The following KHDRBS2 variants were observed in gnomAD, a reference collection of about 807,000 sequenced individuals.
KHDRBS2 encodes the protein KH domain-containing, RNA-binding, signal transduction-associated protein 2.
In KHDRBS2, 26 loss-of-function variants were observed where a neutral mutation model predicts 44.3. The ratio of observed to expected loss-of-function variants is 0.59; its 90% CI spans 0.43 to 0.81. The LOEUF (loss-of-function observed/expected upper bound fraction) is 0.81. KHDRBS2 is among the 40% of genes least tolerant of loss of function. The probability of loss-of-function intolerance (pLI) is 0.00; values close to 1 mark genes in which losing one functional copy is unlikely to be tolerated. For missense variants in KHDRBS2, 476 were observed against 433.1 expected, an observed-to-expected ratio of 1.10 and a Z score of -0.88; for synonymous variants, 194 against 151.1, an observed-to-expected ratio of 1.28 and a Z score of -2.08.
intron 6 of KHDRBS2, among the ~76,000 whole-genome samples, chr6:61,774,006 T>C (rs1260138207): frequency 2.6e-5 from 4 of 152,222 alleles, no homozygotes; most frequent in Admixed American, 2.6e-4. Context: ...GATCTATATA[T>C]CTGTTTTGGT....
At chr6:61,745,902 T>C (rs571057615) in intron 6 of KHDRBS2, among the ~76,000 whole-genome samples, 4 of 152,244 alleles carry the variant, frequency 2.6e-5, no homozygotes, top group African/African-American at 4.8e-5. Flanking sequence ...TACTTGATAA[T>C]TGTGTTCTCC....
At chr6:62,109,006 G>A (rs1190578404) in intron 2 of KHDRBS2, among the ~76,000 whole-genome samples, 1 of 151,734 alleles carries the variant, frequency 6.6e-6, no homozygotes. Flanking sequence ...TAAATGACGA[G>A]TTAATGGGTG....
the KHDRBS2 span, among the ~76,000 whole-genome samples, chr6:61,669,864 C>T: frequency 2.0e-5 from 3 of 151,032 alleles, no homozygotes; most frequent in Non-Finnish European, 4.5e-5. Flanking sequence ...CCCGCATACA[C>T]AAATCAACCT....
intron 1 of KHDRBS2, among the ~76,000 whole-genome samples, chr6:62,274,295 AT>A (rs1206324736): frequency 6.6e-6 from 1 of 152,134 alleles, no homozygotes; most frequent in Non-Finnish European, 1.5e-5. Flanking sequence ...TGGCCTGCCC[AT>A]GTCTTGTACC....
intron 1 of KHDRBS2, among the ~76,000 whole-genome samples, chr6:62,187,301 G>A (rs1455492446): frequency 6.6e-6 from 1 of 151,996 alleles, no homozygotes; most frequent in Non-Finnish European, 1.5e-5. Flanking sequence ...ATAAAGCCCA[G>A]GTTCTGAACC....
At chr6:61,935,553 A>C (rs1429163461) in intron 4 of KHDRBS2, among the ~76,000 whole-genome samples, 1 of 152,124 alleles carries the variant, frequency 6.6e-6, no homozygotes, top group Admixed American at 6.6e-5. Context: ...GTCACAGTTA[A>C]TTATCTGAGG....
intron 4 of KHDRBS2, among the ~76,000 whole-genome samples, chr6:61,972,659 T>C (rs1328196259): frequency 6.6e-6 from 1 of 152,178 alleles, no homozygotes; most frequent in East Asian, 1.9e-4. Context: ...CATTGAACTT[T>C]GTTTTTAAAT....
chr6:62,076,610 T>A (rs1323024393), intron 2 of KHDRBS2, among the ~76,000 whole-genome samples: 1 of 152,018 alleles, frequency 6.6e-6, no homozygotes, highest in Non-Finnish European at 1.5e-5. Flanking sequence ...AAATGCCAGA[T>A]TAAAGGGTCT....
At chr6:62,169,119 G>T (rs1819356085) in intron 2 of KHDRBS2, among the ~76,000 whole-genome samples, 1 of 132,536 alleles carries the variant, frequency 7.5e-6, no homozygotes, top group Non-Finnish European at 1.6e-5. Flanking sequence ...ATATATGTGT[G>T]TATATATACA....
intron 6 of KHDRBS2, among the ~76,000 whole-genome samples, chr6:61,839,018 C>T (rs1416242236): frequency 6.6e-6 from 1 of 152,068 alleles, no homozygotes; most frequent in East Asian, 1.9e-4. Flanking sequence ...ACTCTTTGCT[C>T]ACCTCAGGGA....
intron 3 of KHDRBS2, among the ~76,000 whole-genome samples, chr6:62,007,168 C>A (rs1362574041): frequency 6.6e-6 from 1 of 152,052 alleles, no homozygotes; most frequent in Non-Finnish European, 1.5e-5. Flanking sequence ...TTTCCCAATC[C>A]AGTTGTACTT....
chr6:61,988,643 C>T (rs191469551), intron 3 of KHDRBS2, among the ~76,000 whole-genome samples: 4 of 152,246 alleles, frequency 2.6e-5, no homozygotes, highest in African/African-American at 7.2e-5. Context: ...TACTAGTTCT[C>T]CCTGACCTCA....
intron 1 of KHDRBS2, among the ~76,000 whole-genome samples, chr6:62,273,769 C>T (rs1021252078): frequency 6.6e-6 from 1 of 152,088 alleles, no homozygotes; most frequent in African/African-American, 2.4e-5. Flanking sequence ...TTCACAGTCC[C>T]TTCAGTGTGT....
At chr6:61,611,087 G>GGGTT in the KHDRBS2 span, among the ~76,000 whole-genome samples, 1 of 152,124 alleles carries the variant, frequency 6.6e-6, no homozygotes, top group African/African-American at 2.4e-5. Flanking sequence ...ATGCATAAGT[G>GGGTT]GGTTACTTAT....
Position 61,901,258 on chromosome 6 carries a change from G to A in KHDRBS2, c.597C>T (p.Pro199=). 6.2e-7 allele frequency: 1 copy of A among 1,612,396 alleles called. No homozygotes were observed. Among genetic ancestry groups the A allele is most frequent in the South Asian group, 1.1e-5 (1 of 90,772 alleles). The change falls in exon 5 of 9, where the codon CCC becomes CCT. Residue 199 remains proline, a synonymous_variant. Coordinates refer to ENST00000281156, the MANE Select transcript of KHDRBS2 (RefSeq NM_152688.4). ...AATGAATGTACCTTGAAGGAGCTGT[G>A]GGAGCTATTCTGATCCCTCTGCCTC... The part of the protein sequence containing the change: ...GIRGRGIRIA[P]TAPSRGRGGA...
chr6:61,661,106 TAA>T, the KHDRBS2 span, among the ~76,000 whole-genome samples: 1 of 151,840 alleles, frequency 6.6e-6, no homozygotes, highest in Admixed American at 6.6e-5. Flanking sequence ...AGAATAAAAC[TAA>T]AAGAGTTTCT....
At chr6:61,698,306 C>T (rs1330650562) in intron 7 of KHDRBS2, among the ~76,000 whole-genome samples, 1 of 152,128 alleles carries the variant, frequency 6.6e-6, no homozygotes, top group East Asian at 1.9e-4. Flanking sequence ...CTGGAGACCA[C>T]TAGGGCTCAG....
At chr6:62,281,738 C>A (rs1390823612) in intron 1 of KHDRBS2, among the ~76,000 whole-genome samples, 1 of 151,998 alleles carries the variant, frequency 6.6e-6, no homozygotes, top group East Asian at 1.9e-4. Context: ...AAGAACCCTG[C>A]CTGGTAGGTA....
At chr6:61,948,175 G>T (rs1763989790) in intron 4 of KHDRBS2, among the ~76,000 whole-genome samples, 1 of 151,880 alleles carries the variant, frequency 6.6e-6, no homozygotes, top group African/African-American at 2.4e-5. Flanking sequence ...ATAAGAAATA[G>T]AAATTATAGA....
Sources: gnomAD v4.1 joint callset for allele counts (sites outside exome capture counted in the v4.1 genomes callset) on GRCh38, gnomAD v4.1.1 for gene constraint, MANE v1.5 for transcripts, NCBI Gene and HGNC (gene_info 2026-07-23, HGNC 2026-07-21) for gene names.